ACACB: variants seen among roughly 807,000 people sequenced by gnomAD.
ACACB encodes the protein acetyl-CoA carboxylase 2.
In ACACB, 209 loss-of-function variants were observed where a neutral mutation model predicts 278.8. That is an observed-to-expected ratio of 0.75 (90% CI 0.67 to 0.84). ACACB has a LOEUF of 0.84. Among genes scored for constraint, ACACB ranks in the 40% least tolerant of loss-of-function variants. ACACB has a pLI of 0.00. For missense variants in ACACB, 2,850 were observed against 3,269.0 expected (o/e 0.87, Z 3.13); for synonymous variants, 1,174 against 1,285.6 (o/e 0.91, Z 1.86).
chr12:109,215,050 T>A (rs536029071), intron 22 of ACACB, among the ~76,000 whole-genome samples: 1 of 151,706 alleles, frequency 6.6e-6, no homozygotes, highest in East Asian at 1.9e-4. Context: ...GAGCTGTGAT[T>A]GCACCACTGC....
Position 109,164,305 on chromosome 12 carries a change from T to A in ACACB, c.654-2556T>A, listed in dbSNP as rs536640688. Among the ~76,000 whole-genome samples, 19 of 152,298 alleles carry A rather than the reference T, an allele frequency of 1.2e-4. No homozygotes were observed. In the South Asian group the frequency reaches 3.9e-3, roughly 32 times the overall value. ...TGGAGTCCAGTGGCGCGATCTCGGC[T>A]TACTGCAACCTCCATTCTCTGGGTT... On this transcript the variant is annotated intron_variant, in intron 2 of 52. Transcript: ENST00000338432.
At chr12:109,212,316 G>T (rs1351575450) in intron 21 of ACACB, among the ~76,000 whole-genome samples, 2 of 152,134 alleles carry the variant, frequency 1.3e-5, no homozygotes, top group Non-Finnish European at 2.9e-5. Context: ...GGACCGGGGA[G>T]GGGGATGGTT....
Position 109,242,588 on chromosome 12 carries a change from G to T in ACACB, c.5174G>T (p.Arg1725Met). 6.2e-7 allele frequency: 1 copy of T among 1,614,040 alleles called. No individual in the cohort carries two copies. Among genetic ancestry groups the T allele is most frequent in the Non-Finnish European group, 8.5e-7 (1 of 1,179,928 alleles). The change falls in exon 37 of 53, where the codon AGG becomes ATG. Residue 1725 changes from arginine to methionine, a missense_variant. Coordinates refer to ENST00000338432, the MANE Select transcript of ACACB (RefSeq NM_001093.4). ...TYIYDFPEMF[R>M]QALFKLWGSP... ...ATCTATGACTTCCCGGAAATGTTCA[G>T]GCAGGCAAGTCCGGCGGCTCAGACG...
upstream of ACACB, among the ~76,000 whole-genome samples, chr12:109,115,197 C>T (rs1000002049): frequency 3.3e-5 from 5 of 152,156 alleles, no homozygotes; most frequent in African/African-American, 7.2e-5. Flanking sequence ...CATTTTCTCA[C>T]CCATATGGTG....
intron 25 of ACACB, 54 bp downstream of exon 25, chr12:109,222,674 G>A (rs1475249362): frequency 1.9e-6 from 3 of 1,548,052 alleles, no homozygotes; most frequent in Admixed American, 3.4e-5. Flanking sequence ...ACCCTCCTAT[G>A]TGTCCCCTAC....
chr12:109,123,015 A>G (rs955159261), intron 1 of ACACB, among the ~76,000 whole-genome samples: 1 of 152,014 alleles, frequency 6.6e-6, no homozygotes, highest in Middle Eastern at 3.4e-3. Flanking sequence ...CCCCGTCTCT[A>G]CTAAAAATAC....
At chr12:109,169,862 C>T (rs1188357519) in intron 4 of ACACB, among the ~76,000 whole-genome samples, 1 of 152,318 alleles carries the variant, frequency 6.6e-6, no homozygotes, top group Non-Finnish European at 1.5e-5. Flanking sequence ...GGAATCTCCC[C>T]GTTGGCCGAC....
intron 48 of ACACB, among the ~76,000 whole-genome samples, chr12:109,261,879 A>AC (rs2047387764): frequency 2.0e-5 from 3 of 150,766 alleles, no homozygotes. Context: ...TAAAAAAAAA[A>AC]CAAAAAAAAA....
chr12:109,207,273 A>G (rs2045550738), intron 20 of ACACB, among the ~76,000 whole-genome samples: 1 of 152,086 alleles, frequency 6.6e-6, no homozygotes, highest in African/African-American at 2.4e-5. Context: ...TGTGTTTATG[A>G]AGGACCTGTC....
intron 1 of ACACB, among the ~76,000 whole-genome samples, chr12:109,122,925 G>A (rs2135945903): frequency 6.6e-6 from 1 of 152,174 alleles, no homozygotes; most frequent in African/African-American, 2.4e-5. Context: ...GCTCATGCCT[G>A]TAATCCCAGC....
Position 109,191,671 on chromosome 12 carries a change from G to GAATA in ACACB, c.2204_2207dup (p.Tyr736Ter), listed in dbSNP as rs1425202455. On this transcript the variant is annotated stop_gained and frameshift_variant, in exon 14 of 53. Transcript: ENST00000338432. LOFTEE classifies it high-confidence loss of function. Reference sequence around the variant, plus strand: ...CCGAGGCGACTTTAGGACTACCGTGGAATACCTCATTAACCTCCTGGAGAC... The same window carrying GAATA: ...CCGAGGCGACTTTAGGACTACCGTGGAATAAATACCTCATTAACCTCCTGGAGAC... The GAATA allele has an allele frequency of 6.2e-7, 1 of 1,614,146 alleles. No individual in the cohort carries two copies. Among genetic ancestry groups the GAATA allele is most frequent in the Non-Finnish European group, 8.5e-7 (1 of 1,180,004 alleles).
chr12:109,186,758 A>C (rs1272795153), intron 12 of ACACB, among the ~76,000 whole-genome samples: 1 of 152,106 alleles, frequency 6.6e-6, no homozygotes, highest in African/African-American at 2.4e-5. Flanking sequence ...GCTGTGAACC[A>C]AACACCAACT....
rs1565925287 is a variant in ACACB, at chr12:109,209,936, C to CACACACGTGTGTGTATATATGTGT, written c.3249+584_3249+585insCACACGTGTGTGTATATATGTGTA. The stretch of plus-strand genomic sequence containing the variant: ...ACGTGTGTATATATGTGTATACACA[C>CACACACGTGTGTGTATATATGTGT]ATACACACACGTGTGTGTATATATG... On this transcript the variant is annotated intron_variant, in intron 21 of 52. Transcript: ENST00000338432. Among the ~76,000 whole-genome samples the CACACACGTGTGTGTATATATGTGT allele has an allele frequency of 2.8e-5, 2 of 70,838 alleles. 1 individual carries two copies. Among genetic ancestry groups the CACACACGTGTGTGTATATATGTGT allele is most frequent in the Non-Finnish European group, 5.9e-5 (2 of 33,924 alleles). The allele number at this position is 70,838 out of a possible 152,430, so 46.5% of individuals were successfully genotyped here. A position where few individuals can be genotyped will look rare whatever the true frequency, so the allele number is the denominator to read the frequency against.
intron 47 of ACACB, among the ~76,000 whole-genome samples, chr12:109,259,352 C>G (rs1187894494): frequency 2.0e-5 from 3 of 152,104 alleles, no homozygotes; most frequent in Non-Finnish European, 4.4e-5. Context: ...GCAGAAAGAT[C>G]ATTTGAGGCC....
chr12:109,209,860 TATACACAC>T lies in ACACB; in HGVS notation c.3249+517_3249+524del, dbSNP rs1479973212. 1.6e-5 allele frequency among the ~76,000 whole-genome samples: 2 copies of T among 124,082 alleles called. 1 individual carries two copies. The highest frequency in any genetic ancestry group is 3.2e-5 in the Non-Finnish European group (2 of 62,690). The allele number at this position is 124,082 out of a possible 152,430, so 81.4% of individuals were successfully genotyped here. On this transcript the variant is annotated intron_variant, in intron 21 of 52. Coordinates refer to ENST00000338432, the MANE Select transcript of ACACB (RefSeq NM_001093.4). Reference sequence around the variant, plus strand: ...ATACACACACGTGTGTATATATGTATATACACACATACACACACGTGTGTATATATGTA... The same window carrying T: ...ATACACACACGTGTGTATATATGTATATACACACACGTGTGTATATATGTA...
chr12:109,188,220 TCC>T, intron 13 of ACACB, 58 bp downstream of exon 13: 1 of 1,438,750 alleles, frequency 7.0e-7, no homozygotes, highest in Non-Finnish European at 9.5e-7. Context: ...CTTCCTTCCT[TCC>T]TTCCTTCCTT....
intron 27 of ACACB, among the ~76,000 whole-genome samples, chr12:109,227,011 T>C (rs2046331701): frequency 6.6e-6 from 1 of 151,980 alleles, no homozygotes; most frequent in East Asian, 1.9e-4. Context: ...AGTGCAGTGG[T>C]GCTATCATAG....
intron 2 of ACACB, among the ~76,000 whole-genome samples, chr12:109,160,304 T>C (rs2043683256): frequency 6.6e-6 from 1 of 152,128 alleles, no homozygotes; most frequent in Non-Finnish European, 1.5e-5. Context: ...CTCTGCCACT[T>C]GCCAGCTGTG....
intron 24 of ACACB, among the ~76,000 whole-genome samples, 176 bp from the exon 25 acceptor site, chr12:109,222,331 G>C (rs924825636): frequency 3.3e-5 from 5 of 152,204 alleles, no homozygotes; most frequent in African/African-American, 1.2e-4. Context: ...ATGACTGACT[G>C]GGGTGGGTGC....
Sources: gnomAD v4.1 joint callset for allele counts (sites outside exome capture counted in the v4.1 genomes callset) on GRCh38, gnomAD v4.1.1 for gene constraint, MANE v1.5 for transcripts, NCBI Gene and HGNC (gene_info 2026-07-23, HGNC 2026-07-21) for gene names.